Variants in TMEM266 observed in about 807,000 individuals in gnomAD.
The protein encoded by TMEM266 is transmembrane protein 266.
A neutral mutation model predicts 50.5 loss-of-function variants in TMEM266; 33 were observed. That is an observed-to-expected ratio of 0.65 (90% CI 0.50 to 0.87). The LOEUF (loss-of-function observed/expected upper bound fraction) is 0.87. Among genes scored for constraint, TMEM266 ranks in the 40% least tolerant of loss-of-function variants. TMEM266 has a pLI of 0.00. For synonymous variants in TMEM266, 310 were observed against 292.3 expected, an observed-to-expected ratio of 1.06 and a Z score of -0.62; for missense variants, 655 against 695.1, an observed-to-expected ratio of 0.94 and a Z score of 0.65.
chr15:76,182,750 G>T (rs1446513477), intron 8 of TMEM266, among the ~76,000 whole-genome samples: 1 of 152,174 alleles, frequency 6.6e-6, no homozygotes, highest in Admixed American at 6.5e-5. Flanking sequence ...TCCTTTGCTG[G>T]TGAAAGTTGG....
chr15:76,159,154 C>T (rs994233056), intron 4 of TMEM266, among the ~76,000 whole-genome samples: 5 of 152,214 alleles, frequency 3.3e-5, no homozygotes, highest in Non-Finnish European at 7.3e-5. Flanking sequence ...GGGTATCCCA[C>T]CAGTATTTCT....
At chr15:76,163,463 C>A (rs894999121) in intron 5 of TMEM266, among the ~76,000 whole-genome samples, 1 of 152,200 alleles carries the variant, frequency 6.6e-6, no homozygotes, top group East Asian at 1.9e-4. Context: ...CATGAGACTT[C>A]CTGGGCCCCA....
intron 9 of TMEM266, among the ~76,000 whole-genome samples, chr15:76,201,386 C>T: frequency 6.6e-6 from 1 of 152,108 alleles, no homozygotes; most frequent in Non-Finnish European, 1.5e-5. Flanking sequence ...AGGAGGTGAA[C>T]CAAGATTCCT....
intron 1 of TMEM266, among the ~76,000 whole-genome samples, chr15:76,099,862 G>A (rs536172686): frequency 6.6e-6 from 1 of 152,308 alleles, no homozygotes; most frequent in Admixed American, 6.5e-5. Flanking sequence ...TACAATCATG[G>A]TGGAAGGCAA....
intron 1 of TMEM266, among the ~76,000 whole-genome samples, chr15:76,117,820 G>A (rs1230954256): frequency 6.6e-6 from 1 of 152,204 alleles, no homozygotes; most frequent in Non-Finnish European, 1.5e-5. Context: ...GAACTTGATT[G>A]TGGTCCTTGA....
chr15:76,148,345 G>A (rs2037787849), intron 3 of TMEM266, among the ~76,000 whole-genome samples: 1 of 152,176 alleles, frequency 6.6e-6, no homozygotes, highest in African/African-American at 2.4e-5. Flanking sequence ...GAAAGAGCTG[G>A]TGGGTGGGGT....
chr15:76,068,912 T>C (rs1356819968), intron 1 of TMEM266, among the ~76,000 whole-genome samples: 1 of 152,112 alleles, frequency 6.6e-6, no homozygotes, highest in East Asian at 1.9e-4. Flanking sequence ...TACTAATGAG[T>C]GGCAGGGCTG....
At chr15:76,122,495 T>C (rs1036084809) in intron 1 of TMEM266, among the ~76,000 whole-genome samples, 1 of 152,234 alleles carries the variant, frequency 6.6e-6, no homozygotes, top group Non-Finnish European at 1.5e-5. Flanking sequence ...CCTGGTGCCA[T>C]GTAGTATTCA....
intron 1 of TMEM266, among the ~76,000 whole-genome samples, chr15:76,107,083 C>T (rs923302053): frequency 6.6e-6 from 1 of 152,010 alleles, no homozygotes; most frequent in South Asian, 2.1e-4. Flanking sequence ...ATAACATAAA[C>T]CATGTATGCC....
At chr15:76,103,161 A>G (rs1339936038) in intron 1 of TMEM266, among the ~76,000 whole-genome samples, 1 of 152,122 alleles carries the variant, frequency 6.6e-6, no homozygotes, top group African/African-American at 2.4e-5. Flanking sequence ...GGGAGGTATT[A>G]TGAAGGTAAA....
intron 1 of TMEM266, among the ~76,000 whole-genome samples, chr15:76,132,073 G>A (rs189993933): frequency 6.6e-6 from 1 of 152,086 alleles, no homozygotes; most frequent in East Asian, 1.9e-4. Context: ...TGGTACTGTA[G>A]CACTGGTTGA....
chr15:76,077,662 G>A lies in TMEM266; in HGVS notation c.-97+17646G>A, dbSNP rs755394178. On this transcript the variant is annotated intron_variant, in intron 1 of 10. Coordinates refer to ENST00000388942, the MANE Select transcript of TMEM266 (RefSeq NM_152335.3). ...AAGAAGTTGTGGCAGCAACGTGACC[G>A]TGGATACAGAGACTGGATTGATGAA... is the stretch of plus-strand genomic sequence containing the variant. 1.6e-4 allele frequency among the ~76,000 whole-genome samples: 25 copies of A among 152,068 alleles called. 1 individual carries two copies. The highest frequency in any genetic ancestry group is 4.8e-4 in the African/African-American group (20 of 41,340).
chr15:76,126,926 G>A (rs1021017415), intron 1 of TMEM266, among the ~76,000 whole-genome samples: 1 of 152,100 alleles, frequency 6.6e-6, no homozygotes, highest in South Asian at 2.1e-4. Context: ...GGTGGTGAGG[G>A]AGAAGAGGAG....
At chr15:76,183,712 C>T (rs371773248) in intron 8 of TMEM266, among the ~76,000 whole-genome samples, 8 of 152,170 alleles carry the variant, frequency 5.3e-5, no homozygotes, top group African/African-American at 1.7e-4. Flanking sequence ...CCACAGCAGG[C>T]GGCACAGCCA....
Position 76,153,408 on chromosome 15 carries a change from C to T in TMEM266, c.228-3196C>T, listed in dbSNP as rs754905291. 9.9e-5 allele frequency among the ~76,000 whole-genome samples: 15 copies of T among 152,128 alleles called. No homozygotes were observed. Among genetic ancestry groups the T allele is most frequent in the Non-Finnish European group, 2.1e-4 (14 of 68,042 alleles). On this transcript the variant is annotated intron_variant, in intron 3 of 10. Coordinates refer to ENST00000388942, the MANE Select transcript of TMEM266 (RefSeq NM_152335.3). The surrounding 1 kb of genome is among the most constrained non-coding windows in gnomAD (Gnocchi z 4.2). ...CGTGAAGACGAGGCTTCCTGCTGGC[C>T]AGCCCAGGCAGATGGCCCTGGCAGC...
At chr15:76,105,618 A>G (rs1450819970) in intron 1 of TMEM266, among the ~76,000 whole-genome samples, 2 of 152,264 alleles carry the variant, frequency 1.3e-5, no homozygotes, top group Non-Finnish European at 2.9e-5. Context: ...GCTGTGTTCC[A>G]GTGAAACACT....
At chr15:76,062,999 T>G (rs1333934042) in intron 1 of TMEM266, among the ~76,000 whole-genome samples, 1 of 152,238 alleles carries the variant, frequency 6.6e-6, no homozygotes, top group Admixed American at 6.5e-5. Flanking sequence ...ATATTTGTTT[T>G]TCCTTGATCG....
At chr15:76,063,696 G>T (rs2036352907) in intron 1 of TMEM266, among the ~76,000 whole-genome samples, 1 of 152,114 alleles carries the variant, frequency 6.6e-6, no homozygotes, top group South Asian at 2.1e-4. Context: ...TGCTCCAAAG[G>T]GCAGGGGTTC....
intron 8 of TMEM266, among the ~76,000 whole-genome samples, chr15:76,188,626 T>G (rs1220688839): frequency 6.6e-6 from 1 of 151,912 alleles, no homozygotes; most frequent in Non-Finnish European, 1.5e-5. Flanking sequence ...AAACAAAAAC[T>G]AAACCATCAG....
Sources: allele counts gnomAD v4.1 joint callset (sites outside exome capture counted in the v4.1 genomes callset), GRCh38; gene constraint gnomAD v4.1.1; non-coding constraint Gnocchi (gnomAD v3.1); transcripts MANE v1.5; gene names NCBI Gene and HGNC (gene_info 2026-07-23, HGNC 2026-07-21).